Variants in CACNA1S observed in about 807,000 individuals in gnomAD.
CACNA1S encodes the protein voltage-dependent L-type calcium channel subunit alpha-1S.
Under a neutral mutation model 207.4 loss-of-function variants are expected in CACNA1S, and 126 were observed. The ratio of observed to expected loss-of-function variants is 0.61; its 90% CI spans 0.53 to 0.70. The LOEUF (loss-of-function observed/expected upper bound fraction) is 0.70. Ranked by LOEUF, CACNA1S falls within the 30% of genes least tolerant of loss-of-function variation. The pLI, the probability that CACNA1S is intolerant of heterozygous loss-of-function variation, is 0.00. For missense variants in CACNA1S, 2,349 were observed against 2,422.8 expected (o/e 0.97, Z 0.64); for synonymous variants, 960 against 932.7 (o/e 1.03, Z -0.53).
At chr1:201,077,177 G>C (rs766904949) in intron 11 of CACNA1S, 50 bp from the exon 12 acceptor site, 1 of 1,506,440 alleles carries the variant, frequency 6.6e-7, no homozygotes, top group African/African-American at 1.4e-5. Context: ...CTCTCACTGG[G>C]GCCCACGAGG....
intron 2 of CACNA1S, among the ~76,000 whole-genome samples, chr1:201,101,054 T>TA (rs11465071): frequency 6.6e-6 from 1 of 152,102 alleles, no homozygotes; most frequent in African/African-American, 2.4e-5. Context: ...TTCTTTATTT[T>TA]AATGTCCTTT....
At chr1:201,095,105 C>G (rs374940232) in intron 2 of CACNA1S, among the ~76,000 whole-genome samples, 2 of 150,384 alleles carry the variant, frequency 1.3e-5, no homozygotes, top group Non-Finnish European at 3.0e-5. Flanking sequence ...GCCTGCAGCA[C>G]GGCACAGCTC....
chr1:201,043,536 G>T lies in CACNA1S; in HGVS notation c.4798-5C>A, dbSNP rs375500585. On this transcript the variant is annotated splice_polypyrimidine_tract_variant and splice_region_variant and intron_variant, in intron 39 of 43. Coordinates refer to ENST00000362061, the MANE Select transcript of CACNA1S (RefSeq NM_000069.3). ...GCCAAACAGGCCTCCAGTCCTCTAG[G>T]GGCAAGGAGAAGAGCAGTGACTGGG... The T allele has an allele frequency of 6.2e-7, 1 of 1,613,980 alleles. No individual in the cohort carries two copies. The highest frequency in any genetic ancestry group is 8.5e-7 in the Non-Finnish European group (1 of 1,179,990).
intron 32 of CACNA1S, among the ~76,000 whole-genome samples, chr1:201,051,925 G>T (rs1029006001): frequency 6.6e-6 from 1 of 152,216 alleles, no homozygotes; most frequent in Non-Finnish European, 1.5e-5. Context: ...CATAAGGGCT[G>T]CAGGCTGCTG....
At chr1:201,107,867 C>A (rs906952017) in intron 2 of CACNA1S, among the ~76,000 whole-genome samples, 3 of 152,186 alleles carry the variant, frequency 2.0e-5, no homozygotes, top group African/African-American at 7.2e-5. Context: ...CCTCACTGAG[C>A]ATTCATTTCC....
intron 12 of CACNA1S, 130 bp from the exon 13 acceptor site, chr1:201,075,745 T>C (rs1198006607): frequency 9.4e-7 from 1 of 1,061,510 alleles, no homozygotes; most frequent in East Asian, 2.4e-5. Context: ...CATTCCACAG[T>C]CTGGGTGGCC....
chr1:201,092,252 A>G (rs1221188153), intron 3 of CACNA1S, 138 bp from the exon 4 acceptor site: 12 of 809,224 alleles, frequency 1.5e-5, no homozygotes, highest in Non-Finnish European at 2.3e-5. Context: ...CGGGTGCATC[A>G]ACTAACAAAT....
intron 39 of CACNA1S, 60 bp from the exon 40 acceptor site, chr1:201,043,591 T>TCCCAGAGTGACAGCCC: frequency 6.7e-7 from 1 of 1,482,506 alleles, no homozygotes; most frequent in Non-Finnish European, 9.4e-7. Flanking sequence ...TGGGGGGCTG[T>TCCCAGAGTGACAGCCC]CACTCTGGGA....
chr1:201,111,743 T>C (rs1334271522), intron 1 of CACNA1S, among the ~76,000 whole-genome samples: 2 of 152,104 alleles, frequency 1.3e-5, no homozygotes, highest in Non-Finnish European at 2.9e-5. Context: ...ATGAGGCTGG[T>C]GCTTCAAAAA....
chr1:201,067,016 C>T (rs1436069164), intron 19 of CACNA1S, 23 bp from the exon 20 acceptor site: 3 of 1,532,780 alleles, frequency 2.0e-6, no homozygotes, highest in Non-Finnish European at 2.7e-6. Context: ...AGGCAGCAGC[C>T]TGGATGGAGG....
chr1:201,079,137 A>G (rs6427877), intron 10 of CACNA1S, among the ~76,000 whole-genome samples: 33,568 of 149,384 alleles, frequency 0.22, 4,235 homozygotes, highest in Middle Eastern at 0.28. Flanking sequence ...AAAAAACAAA[A>G]AAACCCAAGA....
intron 2 of CACNA1S, among the ~76,000 whole-genome samples, chr1:201,095,806 G>T (rs1418652480): frequency 6.6e-6 from 1 of 152,156 alleles, no homozygotes; most frequent in Non-Finnish European, 1.5e-5. Flanking sequence ...GAGGAGAGCT[G>T]CAAAGGGAGG....
At chr1:201,105,994 C>A (rs561468238) in intron 2 of CACNA1S, among the ~76,000 whole-genome samples, 1 of 152,332 alleles carries the variant, frequency 6.6e-6, no homozygotes, top group East Asian at 1.9e-4. Flanking sequence ...CTTGGACCTG[C>A]AAATCCAATT....
At chr1:201,056,541 C>G (rs1251020867) in intron 28 of CACNA1S, among the ~76,000 whole-genome samples, 1 of 152,250 alleles carries the variant, frequency 6.6e-6, no homozygotes. Context: ...CCCTCGTGGT[C>G]AGATCAGCCA....
chr1:201,099,409 TGAA>T (rs1381430305), intron 2 of CACNA1S, among the ~76,000 whole-genome samples: 1 of 152,094 alleles, frequency 6.6e-6, no homozygotes, highest in Non-Finnish European at 1.5e-5. Flanking sequence ...TGGCTGCAGT[TGAA>T]GGGCTCCCTG....
intron 6 of CACNA1S, among the ~76,000 whole-genome samples, chr1:201,088,697 G>A (rs777833289): frequency 5.9e-5 from 9 of 152,140 alleles, no homozygotes; most frequent in Non-Finnish European, 1.2e-4. Flanking sequence ...CATCATTGAA[G>A]GATGAAATAA....
rs1299200681 is a variant in CACNA1S, at chr1:201,039,801, C to T, written c.*30G>A. The T allele has an allele frequency of 6.2e-7, 1 of 1,600,560 alleles. No individual in the cohort carries two copies. The highest frequency in any genetic ancestry group is 8.5e-7 in the Non-Finnish European group (1 of 1,179,946). ...TCCCCACCCCCATTGGTCATGCCAGCTCTAAGCCCATGCTGATGCTGTGTG... is the reference window on the plus strand; with the variant it reads ...TCCCCACCCCCATTGGTCATGCCAGTTCTAAGCCCATGCTGATGCTGTGTG... On this transcript the variant is annotated 3_prime_UTR_variant, in exon 44 of 44. Coordinates refer to ENST00000362061, the MANE Select transcript of CACNA1S (RefSeq NM_000069.3).
At chr1:201,058,560 A>G in intron 27 of CACNA1S, 69 bp from the exon 28 acceptor site, 1 of 1,279,518 alleles carries the variant, frequency 7.8e-7, no homozygotes, top group East Asian at 2.3e-5. Context: ...CTGCTGGCAG[A>G]GGACAGTGTC....
chr1:201,054,218 G>T (rs955662376), intron 29 of CACNA1S, among the ~76,000 whole-genome samples: 4 of 152,336 alleles, frequency 2.6e-5, no homozygotes, highest in Admixed American at 1.3e-4. Context: ...CTTTGCCAGC[G>T]ATCACAGTTC....
Sources: gnomAD v4.1 joint callset for allele counts (sites outside exome capture counted in the v4.1 genomes callset) on GRCh38, gnomAD v4.1.1 for gene constraint, MANE v1.5 for transcripts, NCBI Gene and HGNC (gene_info 2026-07-23, HGNC 2026-07-21) for gene names.